The following CSMD1 variants were observed in gnomAD, a reference collection of about 807,000 sequenced individuals.
CSMD1 encodes CUB and sushi domain-containing protein 1.
CSMD1 carries 213 observed loss-of-function variants against 417.5 expected under a neutral mutation model. The ratio of observed to expected loss-of-function variants is 0.51; its 90% CI spans 0.46 to 0.57. The LOEUF is 0.57. Ranked by LOEUF, CSMD1 falls within the 20% of genes least tolerant of loss-of-function variation. The pLI, the probability that CSMD1 is intolerant of heterozygous loss-of-function variation, is 0.00. For synonymous variants in CSMD1, 2,862 were observed against 1,736.8 expected, an observed-to-expected ratio of 1.65 and a Z score of -16.11; for missense variants, 6,923 against 4,529.7, an observed-to-expected ratio of 1.53 and a Z score of -15.17.
chr8:4,311,002 G>C (rs1308096773), intron 3 of CSMD1, among the ~76,000 whole-genome samples: 2 of 152,172 alleles, frequency 1.3e-5, no homozygotes, highest in Admixed American at 1.3e-4. Flanking sequence ...AAAGATAATA[G>C]AAAGTGGCAA....
rs185003913 is a variant in CSMD1 at position 4,319,235 on chromosome 8, A to T, written c.415+100718T>A. 1.6e-3 allele frequency among the ~76,000 whole-genome samples: 237 copies of T among 152,302 alleles called. 3 individuals carry two copies. The highest frequency in any genetic ancestry group is 2.6e-3 in the Admixed American group (40 of 15,282). ...ATGAAAAGTGACCCTAAATCCTGAC[A>T]GTCATTTTTCCCTTTTGCTTTCCTT... is the stretch of plus-strand genomic sequence containing the variant. On this transcript the variant is annotated intron_variant, in intron 3 of 69. Coordinates refer to ENST00000635120, the MANE Select transcript of CSMD1 (RefSeq NM_033225.6).
intron 7 of CSMD1, among the ~76,000 whole-genome samples, chr8:3,666,312 T>A (rs563860898): frequency 6.0e-4 from 91 of 152,338 alleles, no homozygotes; most frequent in Non-Finnish European, 1.1e-3. Context: ...ATGTGAAGAA[T>A]ATGCTTCAAA....
chr8:3,298,492 T>G (rs1325728870), intron 25 of CSMD1, among the ~76,000 whole-genome samples: 2 of 152,190 alleles, frequency 1.3e-5, no homozygotes, highest in Admixed American at 6.5e-5. Flanking sequence ...CTTGATCTGT[T>G]GACCAGGCTG....
intron 5 of CSMD1, among the ~76,000 whole-genome samples, chr8:3,767,135 T>A (rs1798316859): frequency 1.3e-5 from 2 of 152,244 alleles, no homozygotes; most frequent in Admixed American, 1.3e-4. Context: ...CTGAGGCTGC[T>A]GTGTCTCCAG....
chr8:3,933,785 T>G (rs571358424), intron 5 of CSMD1, among the ~76,000 whole-genome samples: 2 of 152,324 alleles, frequency 1.3e-5, no homozygotes, highest in East Asian at 3.9e-4. Flanking sequence ...CCTGCTATAT[T>G]TATTTTTATA....
In CSMD1 at chr8:4,787,799, A is replaced by G. The variant is rs1797485791; in HGVS notation, c.86-150241T>C. The G allele has an allele frequency of 3.8e-6, 6 of 1,573,996 alleles. No homozygotes were observed. In the South Asian group the frequency reaches 4.5e-5, roughly 12 times the overall value. ...CTTGTTACAGGCCAGACTGAATTGG[A>G]TATCATGAGTCATGCTACACAGGCT... On this transcript the variant is annotated intron_variant, in intron 1 of 69. Transcript: ENST00000635120.
chr8:3,484,444 G>C (rs567174432), intron 11 of CSMD1, among the ~76,000 whole-genome samples: 2 of 152,286 alleles, frequency 1.3e-5, no homozygotes, highest in East Asian at 3.9e-4. Context: ...ACTCAAAAGG[G>C]ATAAGAGACT....
intron 7 of CSMD1, among the ~76,000 whole-genome samples, chr8:3,690,057 G>A (rs572616646): frequency 7.0e-4 from 106 of 152,290 alleles, no homozygotes; most frequent in Non-Finnish European, 1.3e-3. Flanking sequence ...AATAATAAAT[G>A]TAATCCAAAC....
At chr8:2,979,352 T>C (rs1038932141) in intron 54 of CSMD1, among the ~76,000 whole-genome samples, 22 of 152,212 alleles carry the variant, frequency 1.4e-4, no homozygotes, top group African/African-American at 4.8e-4. Flanking sequence ...TTAGGCCTCT[T>C]CTCCTTTTAG....
chr8:3,353,662 T>C (rs1331460977), intron 21 of CSMD1, among the ~76,000 whole-genome samples: 1 of 152,220 alleles, frequency 6.6e-6, no homozygotes, highest in African/African-American at 2.4e-5. Flanking sequence ...TATTTGAGCT[T>C]GATTTAAAAC....
At chr8:3,412,060 ACG>A (rs1491312824) in intron 12 of CSMD1, among the ~76,000 whole-genome samples, 2 of 47,366 alleles carry the variant, frequency 4.2e-5, no homozygotes, top group Non-Finnish European at 4.1e-5. Flanking sequence ...ATATATACAC[ACG>A]TATATATACA....
chr8:4,128,108 G>C (rs1304814373), intron 3 of CSMD1, among the ~76,000 whole-genome samples: 1 of 152,134 alleles, frequency 6.6e-6, no homozygotes, highest in Non-Finnish European at 1.5e-5. Context: ...ACATGCATCT[G>C]GCAAACACTG....
intron 26 of CSMD1, among the ~76,000 whole-genome samples, chr8:3,250,803 CTGA>C (rs1800201855): frequency 6.6e-6 from 1 of 152,334 alleles, no homozygotes; most frequent in East Asian, 1.9e-4. Context: ...TTGCATTTCT[CTGA>C]TGGCCAGTGA....
intron 23 of CSMD1, among the ~76,000 whole-genome samples, chr8:3,331,500 C>A (rs537523326): frequency 6.6e-6 from 1 of 152,172 alleles, no homozygotes. Flanking sequence ...AATCCTGGTG[C>A]TGCCACTCAC....
chr8:4,992,265 C>T (rs1207503722), intron 1 of CSMD1, among the ~76,000 whole-genome samples: 1 of 151,490 alleles, frequency 6.6e-6, no homozygotes, highest in East Asian at 1.9e-4. Flanking sequence ...CGCTGCAGCC[C>T]ACCCGCGTGG....
At chr8:4,443,875 C>A (rs1252547643) in intron 2 of CSMD1, among the ~76,000 whole-genome samples, 2 of 152,168 alleles carry the variant, frequency 1.3e-5, no homozygotes, top group Non-Finnish European at 1.5e-5. Context: ...TGAAAACACT[C>A]AGCTATGTTT....
At chr8:3,763,143 A>AG (rs1476224273) in intron 5 of CSMD1, among the ~76,000 whole-genome samples, 1 of 152,224 alleles carries the variant, frequency 6.6e-6, no homozygotes, top group Non-Finnish European at 1.5e-5. Context: ...TGGCTGAATA[A>AG]GCCAAAGAGG....
intron 36 of CSMD1, among the ~76,000 whole-genome samples, 170 bp from the exon 37 acceptor site, chr8:3,181,384 T>G (rs1821313744): frequency 6.6e-6 from 1 of 152,248 alleles, no homozygotes; most frequent in Admixed American, 6.5e-5. Context: ...TCTATTTTTC[T>G]AGGTACAATA....
At chr8:3,211,750 G>T (rs963215954) in intron 30 of CSMD1, among the ~76,000 whole-genome samples, 11 of 152,220 alleles carry the variant, frequency 7.2e-5, no homozygotes, top group African/African-American at 2.7e-4. Context: ...GGCCCTGCCC[G>T]CACTGGCCAT....
Sources: allele counts gnomAD v4.1 joint callset (sites outside exome capture counted in the v4.1 genomes callset), GRCh38; gene constraint gnomAD v4.1.1; transcripts MANE v1.5; gene names NCBI Gene and HGNC (gene_info 2026-07-23, HGNC 2026-07-21).